The following TMED10 variants were observed in gnomAD, a reference collection of about 807,000 sequenced individuals.
TMED10 encodes transmembrane p24 trafficking protein 10, also known as transmembrane emp24 domain-containing protein 10.
A neutral mutation model predicts 23.1 loss-of-function variants in TMED10; 7 were observed. That is an observed-to-expected ratio of 0.30 (90% confidence interval 0.17 to 0.57). TMED10 has a LOEUF of 0.57. TMED10 is among the 20% of genes least tolerant of loss of function. TMED10 has a pLI of 0.91. For synonymous variants in TMED10, 113 were observed against 106.9 expected, an observed-to-expected ratio of 1.06 and a Z score of -0.35; for missense variants, 162 against 274.8, an observed-to-expected ratio of 0.59 and a Z score of 2.90.
In TMED10 at chr14:75,147,431, C is replaced by T. The variant is rs142374189; in HGVS notation, c.411+233G>A. On this transcript the variant is annotated intron_variant, in intron 3 of 4. Coordinates refer to ENST00000303575, the MANE Select transcript of TMED10 (RefSeq NM_006827.6). ...CTGGTATCGAACTCCTGACCTCAGG[C>T]GATCCACCCGCCTTGGCCTCCCAAA... 4.2e-3 allele frequency: 2,264 copies of T among 540,114 alleles called. 26 individuals carry two copies. Among genetic ancestry groups the T allele is most frequent in the African/African-American group, 0.032 (1,671 of 52,916 alleles). The allele number at this position is 540,114 out of a possible 1,614,324, so 33.5% of individuals were successfully genotyped here. A position where few individuals can be genotyped will look rare whatever the true frequency, so the allele number is the denominator to read the frequency against.
rs535756146 is a variant in TMED10, at chr14:75,135,128, A to C, written c.539-122T>G. ...TCACTCTGTCCCTAGGTCTAACAGT[A>C]GGATTTCAGATAATTTTTCTTTTTA... On this transcript the variant is annotated intron_variant, in intron 4 of 4. Transcript: ENST00000303575. 1.1e-5 allele frequency: 14 copies of C among 1,272,236 alleles called. No individual in the cohort carries two copies. In the African/African-American group the frequency reaches 1.9e-4, roughly 18 times the overall value. 78.8% of individuals were successfully genotyped at this position (1,272,236 alleles called of 1,614,324 possible).
At chr14:75,148,596 T>C (rs748710143) in intron 2 of TMED10, among the ~76,000 whole-genome samples, 1 of 152,138 alleles carries the variant, frequency 6.6e-6, no homozygotes, top group African/African-American at 2.4e-5. Context: ...CACCTAGTTA[T>C]AAAATTTACA....
intron 1 of TMED10, among the ~76,000 whole-genome samples, chr14:75,159,202 C>G (rs2139849874): frequency 6.6e-6 from 1 of 152,300 alleles, no homozygotes; most frequent in South Asian, 2.1e-4. Flanking sequence ...TCTAGAGACC[C>G]TAATTTGGAT....
intron 1 of TMED10, chr14:75,175,811 TCA>T (rs1387401053): frequency 1.3e-5 from 2 of 153,252 alleles, no homozygotes; most frequent in South Asian, 1.9e-4. Context: ...CCTCTGAGTC[TCA>T]GTTTCCTCAT....
chr14:75,163,973 G>T (rs918677751), intron 1 of TMED10, among the ~76,000 whole-genome samples: 2 of 152,106 alleles, frequency 1.3e-5, no homozygotes, highest in Non-Finnish European at 2.9e-5. Context: ...AACAGTGTTT[G>T]TCACATAGCA....
intron 2 of TMED10, among the ~76,000 whole-genome samples, chr14:75,151,243 T>C (rs1211229945): frequency 6.7e-6 from 1 of 148,468 alleles, no homozygotes; most frequent in African/African-American, 2.5e-5. Flanking sequence ...TTTTTTGAGA[T>C]GGAGTCTCAC....
At chr14:75,144,945 C>T (rs1397733103) in intron 3 of TMED10, among the ~76,000 whole-genome samples, 1 of 152,226 alleles carries the variant, frequency 6.6e-6, no homozygotes, top group Non-Finnish European at 1.5e-5. Flanking sequence ...AGGTGTGAGC[C>T]ACCGTGCCCT....
At chr14:75,147,018 C>A (rs183803734) in intron 3 of TMED10, among the ~76,000 whole-genome samples, 18 of 152,200 alleles carry the variant, frequency 1.2e-4, no homozygotes, top group Admixed American at 1.1e-3. Context: ...TGGGCATTAA[C>A]AAATAACTGA....
intron 1 of TMED10, among the ~76,000 whole-genome samples, chr14:75,173,793 C>T (rs901669417): frequency 3.9e-5 from 6 of 152,192 alleles, no homozygotes; most frequent in Non-Finnish European, 7.3e-5. Context: ...TGCAGTGGCA[C>T]GGTGTCAGCT....
In TMED10 at chr14:75,132,984, CT is replaced by C. The variant is rs1895705925; in HGVS notation, c.*1900del. On this transcript the variant is annotated 3_prime_UTR_variant, in exon 5 of 5. Coordinates refer to ENST00000303575, the MANE Select transcript of TMED10 (RefSeq NM_006827.6). ...ATGGTCATTTATATCCACACTTTCT[CT>C]TATTTACATTAGTTTTGGCCCTTAG... 3 of 152,202 alleles carry C rather than the reference CT, an allele frequency of 2.0e-5. No homozygotes were observed. Among genetic ancestry groups the C allele is most frequent in the African/African-American group, 7.2e-5 (3 of 41,448 alleles). The allele number at this position is 152,202 out of a possible 1,614,324, so 9.4% of individuals were successfully genotyped here.
chr14:75,169,708 T>C (rs1015678173), intron 1 of TMED10, among the ~76,000 whole-genome samples: 2 of 152,200 alleles, frequency 1.3e-5, no homozygotes, highest in Admixed American at 6.6e-5. Flanking sequence ...TAAGCTCAGC[T>C]GGCCAGGTTC....
intron 1 of TMED10, among the ~76,000 whole-genome samples, chr14:75,165,143 C>T (rs1481236378): frequency 6.6e-6 from 1 of 152,116 alleles, no homozygotes; most frequent in African/African-American, 2.4e-5. Context: ...GTCTATTCCC[C>T]TAAGATATAA....
intron 1 of TMED10, among the ~76,000 whole-genome samples, chr14:75,174,621 A>C (rs958982219): frequency 6.6e-6 from 1 of 152,228 alleles, no homozygotes; most frequent in African/African-American, 2.4e-5. Context: ...TGGGTCACAG[A>C]TTAATTGCCC....
rs189420728 is a variant in TMED10 at position 75,171,382 on chromosome 14, C to T, written c.225+4973G>A. Among the ~76,000 whole-genome samples the T allele has an allele frequency of 1.8e-3, 269 of 151,810 alleles. 2 individuals are homozygous for T. The highest frequency in any genetic ancestry group is 3.4e-3 in the Middle Eastern group (1 of 294). ...ACAATCTCCGCCTCCCAGGTTCAAG[C>T]GATTCCCCTGCCTCAGTCTCCTGAG... On this transcript the variant is annotated intron_variant, in intron 1 of 4. Coordinates refer to ENST00000303575, the MANE Select transcript of TMED10 (RefSeq NM_006827.6).
At chr14:75,153,511 A>C (rs1013438754) in intron 1 of TMED10, among the ~76,000 whole-genome samples, 1 of 152,228 alleles carries the variant, frequency 6.6e-6, no homozygotes, top group African/African-American at 2.4e-5. Context: ...ACTGGATCTT[A>C]GCCTTCATTT....
rs994156936 is a variant in TMED10 at position 75,131,759 on chromosome 14, T to C, written c.*3126A>G. Reference sequence around the variant, plus strand: ...AGTCTTTTGTCAAAGGCAAATACATTTACTTTTTAGATAAAACCAAAGTAT... The same window carrying C: ...AGTCTTTTGTCAAAGGCAAATACATCTACTTTTTAGATAAAACCAAAGTAT... On this transcript the variant is annotated 3_prime_UTR_variant, in exon 5 of 5. Transcript: ENST00000303575. The C allele has an allele frequency of 2.0e-5, 3 of 152,258 alleles. No individual in the cohort carries two copies. Among genetic ancestry groups the C allele is most frequent in the Admixed American group, 2.0e-4 (3 of 15,284 alleles). 9.4% of individuals were successfully genotyped at this position (152,258 alleles called of 1,614,324 possible). A position where few individuals can be genotyped will look rare whatever the true frequency, so the allele number is the denominator to read the frequency against.
At chr14:75,172,529 C>G (rs1003850404) in intron 1 of TMED10, among the ~76,000 whole-genome samples, 7 of 152,066 alleles carry the variant, frequency 4.6e-5, no homozygotes, top group African/African-American at 1.7e-4. Context: ...AGGCTGGTCT[C>G]GAACTCCTGA....
At chr14:75,154,553 TA>T (rs970435843) in intron 1 of TMED10, among the ~76,000 whole-genome samples, 5 of 151,870 alleles carry the variant, frequency 3.3e-5, no homozygotes, top group Admixed American at 3.3e-4. Context: ...ACAGATTAAC[TA>T]AAAAAAGTTT....
chr14:75,145,535 G>A (rs552012290), intron 3 of TMED10, among the ~76,000 whole-genome samples: 4 of 152,206 alleles, frequency 2.6e-5, no homozygotes, highest in Non-Finnish European at 4.4e-5. Flanking sequence ...CATGTAATCC[G>A]CCAGCACTTT....
Sources: gnomAD v4.1 joint callset for allele counts (sites outside exome capture counted in the v4.1 genomes callset) on GRCh38, gnomAD v4.1.1 for gene constraint, MANE v1.5 for transcripts, NCBI Gene and HGNC (gene_info 2026-07-23, HGNC 2026-07-21) for gene names.